The following SIGLEC1 variants were observed in gnomAD, a reference collection of about 807,000 sequenced individuals.
The protein encoded by SIGLEC1 is sialoadhesin.
Under a neutral mutation model 148.0 loss-of-function variants are expected in SIGLEC1, and 132 were observed. That is an observed-to-expected ratio of 0.89 (90% CI 0.77 to 1.03). SIGLEC1 has a LOEUF of 1.03. Among genes scored for constraint, SIGLEC1 ranks in the 50% least tolerant of loss-of-function variants. The pLI is 0.00. For synonymous variants in SIGLEC1, 945 were observed against 969.0 expected, an observed-to-expected ratio of 0.98 and a Z score of 0.46; for missense variants, 2,253 against 2,271.4, an observed-to-expected ratio of 0.99 and a Z score of 0.16.
rs1337309105 is a variant in SIGLEC1, at chr20:3,703,963, C to T, written c.835G>A (p.Asp279Asn). The change falls in exon 5 of 22, where the codon GAT becomes AAT. Residue 279 changes from aspartate (D) to asparagine (N), a missense_variant. Coordinates refer to ENST00000344754, the MANE Select transcript of SIGLEC1 (RefSeq NM_023068.4). Reference protein sequence around the residue: ...PAVSSIKWLKDGVRLQTKTGV... With the variant: ...PAVSSIKWLKNGVRLQTKTGV... ...GTCTTGGTTTGGAGGCGTACCCCAT[C>T]CTTGAGCCACTTAATGGAACTGACT... 6.2e-7 allele frequency: 1 copy of T among 1,612,628 alleles called. No homozygotes were observed. Among genetic ancestry groups the T allele is most frequent in the Admixed American group, 1.7e-5 (1 of 59,920 alleles).
chr20:3,697,202 G>C lies in SIGLEC1; in HGVS notation c.2263C>G (p.Pro755Ala), dbSNP rs1348783529. The change falls in exon 10 of 22, where the codon CCC becomes GCC. Residue 755 changes from proline (P) to alanine (A), a missense_variant. Coordinates refer to ENST00000344754, the MANE Select transcript of SIGLEC1 (RefSeq NM_023068.4). Reference protein sequence around the residue: ...FRNGVLWAQGPLETVTLLPVA... With the variant: ...FRNGVLWAQGALETVTLLPVA... ...GGCAGCAGTGTCACGGTCTCCAGGGGACCCTGGGCCCACAGCACCCCATTT... is the reference window on the plus strand; with the variant it reads ...GGCAGCAGTGTCACGGTCTCCAGGGCACCCTGGGCCCACAGCACCCCATTT... 2.5e-6 allele frequency: 4 copies of C among 1,613,808 alleles called. No homozygotes were observed. Among genetic ancestry groups the C allele is most frequent in the Non-Finnish European group, 3.4e-6 (4 of 1,180,044 alleles).
rs1432002386 is a variant in SIGLEC1, at chr20:3,697,973, T to C, written c.1947A>G (p.Ser649=). ...CCCCACAGGTGCTGCAGCCACCCCC[T>C]GATGGCAGGGAAGTGGCCACAACAC... ...KDRVVATSLP[S]GGGCSTCGGC... Residue 649 remains serine (S), a synonymous_variant, in exon 9 of 22, where the codon TCA becomes TCG. Transcript: ENST00000344754. The C allele has an allele frequency of 6.2e-7, 1 of 1,611,590 alleles. No homozygotes were observed. The highest frequency in any genetic ancestry group is 1.3e-5 in the African/African-American group (1 of 74,888).
In SIGLEC1 at chr20:3,693,551, G is replaced by C. The variant is rs753845897; in HGVS notation, c.3404C>G (p.Pro1135Arg). 2 of 1,612,666 alleles carry C rather than the reference G, an allele frequency of 1.2e-6. No homozygotes were observed. Among genetic ancestry groups the C allele is most frequent in the South Asian group, 1.1e-5 (1 of 90,882 alleles). The change falls in exon 14 of 22, where the codon CCC becomes CGC. Residue 1135 changes from proline to arginine, a missense_variant. Coordinates refer to ENST00000344754, the MANE Select transcript of SIGLEC1 (RefSeq NM_023068.4). ...ATCCCTGACTGTGACGTTGGGCAGGGGGATGGAGTGGGCATCCAGGCGCTG... is the reference window on the plus strand; with the variant it reads ...ATCCCTGACTGTGACGTTGGGCAGGCGGATGGAGTGGGCATCCAGGCGCTG... Reference protein sequence around the residue: ...GQQRLDAHSIPLPNVTVRDAT... With the variant: ...GQQRLDAHSIRLPNVTVRDAT...
rs1377216960 is a variant in SIGLEC1, at chr20:3,701,413, C to T, written c.1457G>A (p.Ser486Asn). The T allele has an allele frequency of 1.2e-6, 2 of 1,614,088 alleles. No individual in the cohort carries two copies. The highest frequency in any genetic ancestry group is 1.3e-5 in the African/African-American group (1 of 74,944). ...GGTGGCTGAGCACTTGTACTCCCCA[C>T]TGTCAGTTTCCTCCAGGTCTCGGAT... ...LEIRDLEETDSGEYKCSATNS... is the reference protein window; with the variant it reads ...LEIRDLEETDNGEYKCSATNS... Residue 486 changes from serine (S) to asparagine (N), a missense_variant, in exon 7 of 22, where the codon AGT (serine) becomes AAT (asparagine). Transcript: ENST00000344754.
At chr20:3,693,739 A>C in intron 13 of SIGLEC1, 41 bp from the exon 14 acceptor site, 1 of 1,536,344 alleles carries the variant, frequency 6.5e-7, no homozygotes, top group Non-Finnish European at 8.8e-7. Flanking sequence ...GAGGGTCTTG[A>C]GGCTGTGTAC....
At chr20:3,693,304 C>T (rs902203949) in intron 14 of SIGLEC1, 143 bp downstream of exon 14, 23 of 1,185,888 alleles carry the variant, frequency 1.9e-5, no homozygotes, top group Non-Finnish European at 2.6e-5. Flanking sequence ...GCGCCCCCTA[C>T]TCTTAATGCT....
chr20:3,692,005 GTAGGGCGTTTCGGGCCA>G lies in SIGLEC1; in HGVS notation c.4211_4227del (p.Val1404AlafsTer11). Reference sequence around the variant, plus strand: ...GCAGGCACATCTTGCACCTGCAGCCGTAGGGCGTTTCGGGCCACCTGGACATGGCCTGTCCCTGATGC... The same window carrying G: ...GCAGGCACATCTTGCACCTGCAGCCGCCTGGACATGGCCTGTCCCTGATGC... On this transcript the variant is annotated frameshift_variant, in exon 17 of 22. Coordinates refer to ENST00000344754, the MANE Select transcript of SIGLEC1 (RefSeq NM_023068.4). LOFTEE classifies it high-confidence loss of function. 6.2e-7 allele frequency: 1 copy of G among 1,613,522 alleles called. No homozygotes were observed.
In SIGLEC1 at chr20:3,706,370, T is replaced by C. The variant is rs1259028278; in HGVS notation, c.386A>G (p.Lys129Arg). The C allele has an allele frequency of 6.2e-7, 1 of 1,612,858 alleles. No homozygotes were observed. The highest frequency in any genetic ancestry group is 1.7e-4 in the Middle Eastern group (1 of 6,058). ...ACCTGTTACTGTGACCAAGGTGCCT[T>C]TCACATCTGACCAGCGGTTGACCTC... ...ISEVNRWSDV[K>R]GTLVTVTEEP... The change falls in exon 3 of 22, where the codon AAA (lysine) becomes AGA (arginine). Residue 129 changes from lysine (K) to arginine (R), a missense_variant. Lys to Arg is a conservative substitution (Grantham distance 26). Transcript: ENST00000344754.
chr20:3,703,079 C>T, intron 6 of SIGLEC1, 118 bp downstream of exon 6: 2 of 1,259,918 alleles, frequency 1.6e-6, no homozygotes, highest in South Asian at 1.3e-5. Context: ...GAGCTCAAGG[C>T]CACCTCCAGG....
chr20:3,688,540 A>T lies in SIGLEC1; in HGVS notation c.*20T>A. On this transcript the variant is annotated 3_prime_UTR_variant, in exon 22 of 22. Transcript: ENST00000344754. ...AGATTCTGGCCACTTTCTCCTCCGG[A>T]GGGCAGGCAACACCACTGGTCAGCC... 1 of 1,582,414 alleles carries T rather than the reference A, an allele frequency of 6.3e-7. No homozygotes were observed. The highest frequency in any genetic ancestry group is 8.6e-7 in the Non-Finnish European group (1 of 1,161,716).
chr20:3,711,010 GCCCCGCC>G (rs956828555), intron 1 of SIGLEC1, among the ~76,000 whole-genome samples: 2 of 152,154 alleles, frequency 1.3e-5, no homozygotes, highest in African/African-American at 4.8e-5. Context: ...AGGGGACAGT[GCCCCGCC>G]CCCCGCCCCC....
rs143389553 is a variant in SIGLEC1 at position 3,692,662 on chromosome 20, T to C, written c.3889A>G (p.Asn1297Asp). Residue 1297 changes from asparagine to aspartate, a missense_variant, in exon 16 of 22, where the codon AAC (asparagine) becomes GAC (aspartate). Asn to Asp is a conservative substitution (Grantham distance 23). Transcript: ENST00000344754. ...HAPTLYTWYH[N>D]GRWLQEGPAA... ...GGACCCTCCTGCAGCCAACGACCGT[T>C]GTGGTACCAAGTATAGAGTGTGGGT... 3.8e-4 allele frequency: 621 copies of C among 1,613,108 alleles called. 1 individual carries two copies. The highest frequency in any genetic ancestry group is 4.9e-4 in the Non-Finnish European group (584 of 1,180,012).
chr20:3,704,314 G>A (rs1026266018), intron 4 of SIGLEC1, among the ~76,000 whole-genome samples: 1 of 152,142 alleles, frequency 6.6e-6, no homozygotes, highest in Admixed American at 6.6e-5. Context: ...AGCTGATCAT[G>A]TGACGCTTGG....
At chr20:3,706,948 G>A (rs901922615) in intron 2 of SIGLEC1, 132 bp downstream of exon 2, 1 of 1,119,462 alleles carries the variant, frequency 8.9e-7, no homozygotes, top group South Asian at 1.3e-5. Flanking sequence ...CCCAGCTCCT[G>A]GCCACTGCCC....
intron 1 of SIGLEC1, among the ~76,000 whole-genome samples, chr20:3,708,762 C>T (rs993412995): frequency 1.3e-5 from 2 of 151,250 alleles, no homozygotes; most frequent in African/African-American, 4.9e-5. Context: ...AAAGAACAAA[C>T]AACAGCTGGG....
In SIGLEC1 at chr20:3,689,957, C is replaced by A; in HGVS notation, c.4894+5G>T. On this transcript the variant is annotated splice_donor_5th_base_variant and intron_variant, in intron 19 of 21. Transcript: ENST00000344754. ...GGCCTGGGAGATGGAGCCCCCTCCC[C>A]TCACCTCTGACCCCAAAGTAGGTGG... 6.2e-7 allele frequency: 1 copy of A among 1,608,776 alleles called. No homozygotes were observed. Among genetic ancestry groups the A allele is most frequent in the Non-Finnish European group, 8.5e-7 (1 of 1,177,380 alleles).
chr20:3,688,816 T>C, intron 21 of SIGLEC1, 197 bp from the exon 22 acceptor site: 1 of 599,286 alleles, frequency 1.7e-6, no homozygotes, highest in East Asian at 2.8e-5. Flanking sequence ...GACTTTCACT[T>C]CTGCCCAGGT....
In SIGLEC1 at chr20:3,692,746, C is replaced by A. The variant is rs1382108525; in HGVS notation, c.3805G>T (p.Ala1269Ser). The part of the protein sequence containing the change: ...EGVRVILAPE[A>S]AVPEGAPITV... ...ATGGGGGCACCTTCAGGCACGGCAG[C>A]CTCCGGAGCCAGGATCACCCGCACA... Residue 1269 changes from alanine to serine, a missense_variant, in exon 16 of 22, where the codon GCT becomes TCT. Transcript: ENST00000344754. 1 of 1,611,436 alleles carries A rather than the reference C, an allele frequency of 6.2e-7. No individual in the cohort carries two copies. Among genetic ancestry groups the A allele is most frequent in the Non-Finnish European group, 8.5e-7 (1 of 1,179,496 alleles).
intron 4 of SIGLEC1, 62 bp downstream of exon 4, chr20:3,705,682 C>T: frequency 6.6e-7 from 1 of 1,521,710 alleles, no homozygotes; most frequent in Non-Finnish European, 8.9e-7. Context: ...TGGAGAGGGG[C>T]TGGTTTCTGT....
Sources: allele counts gnomAD v4.1 joint callset (sites outside exome capture counted in the v4.1 genomes callset), GRCh38; gene constraint gnomAD v4.1.1; transcripts MANE v1.5; gene names NCBI Gene and HGNC (gene_info 2026-07-23, HGNC 2026-07-21).